The following CNTN5 variants were observed in gnomAD, a reference collection of about 807,000 sequenced individuals.
The protein encoded by CNTN5 is contactin 5.
Under a neutral mutation model 129.1 loss-of-function variants are expected in CNTN5, and 77 were observed. The observed-to-expected ratio is 0.60, with a 90% CI of 0.50 to 0.72. The LOEUF (loss-of-function observed/expected upper bound fraction) is 0.72. CNTN5 is among the 30% of genes least tolerant of loss of function. The pLI, the probability that CNTN5 is intolerant of heterozygous loss-of-function variation, is 0.00. For missense variants in CNTN5, 1,478 were observed against 1,328.8 expected, an observed-to-expected ratio of 1.11 and a Z score of -1.75; for synonymous variants, 509 against 465.6, an observed-to-expected ratio of 1.09 and a Z score of -1.20.
chr11:99,634,872 G>C (rs907889698), intron 3 of CNTN5, among the ~76,000 whole-genome samples: 2 of 152,162 alleles, frequency 1.3e-5, no homozygotes, highest in Non-Finnish European at 2.9e-5. Flanking sequence ...TCCACCCATA[G>C]CACCTGTTTG....
chr11:99,817,471 C>G (rs531742868), intron 3 of CNTN5, among the ~76,000 whole-genome samples: 1 of 152,188 alleles, frequency 6.6e-6, no homozygotes, highest in East Asian at 1.9e-4. Flanking sequence ...ATGTTCCTGG[C>G]CTTTTTAAAC....
intron 16 of CNTN5, among the ~76,000 whole-genome samples, chr11:100,228,589 T>C (rs1949428121): frequency 6.6e-6 from 1 of 152,214 alleles, no homozygotes; most frequent in Non-Finnish European, 1.5e-5. Context: ...ATCATTAAAA[T>C]TTTGGCCGTT....
intron 13 of CNTN5, among the ~76,000 whole-genome samples, chr11:100,117,542 A>T (rs964710620): frequency 6.6e-6 from 1 of 151,954 alleles, no homozygotes; most frequent in Non-Finnish European, 1.5e-5. Flanking sequence ...ACCACATAGC[A>T]TATGCTCAAC....
intron 4 of CNTN5, among the ~76,000 whole-genome samples, chr11:99,839,987 G>GT (rs1389151684): frequency 6.6e-6 from 1 of 151,812 alleles, no homozygotes; most frequent in African/African-American, 2.4e-5. Flanking sequence ...GGCCAACTGA[G>GT]TCACAGAAAA....
chr11:99,654,755 TAAAC>T (rs776998719), intron 3 of CNTN5, among the ~76,000 whole-genome samples: 163 of 152,208 alleles, frequency 1.1e-3, no homozygotes, highest in Non-Finnish European at 1.8e-3. Context: ...TTAAATCAAT[TAAAC>T]AAATCTTAGA....
At chr11:99,196,138 A>C (rs1858889402) in intron 1 of CNTN5, among the ~76,000 whole-genome samples, 1 of 151,824 alleles carries the variant, frequency 6.6e-6, no homozygotes, top group Admixed American at 6.6e-5. Flanking sequence ...CTTATTTATA[A>C]ACAGTGAGTG....
intron 13 of CNTN5, among the ~76,000 whole-genome samples, chr11:100,186,031 T>TTGTG (rs1428923972): frequency 6.8e-4 from 103 of 152,218 alleles, no homozygotes; most frequent in African/African-American, 2.4e-3. Context: ...TTAAACTAAG[T>TTGTG]TGTGTAGTAT....
intron 1 of CNTN5, among the ~76,000 whole-genome samples, chr11:99,199,392 A>G (rs915902808): frequency 6.6e-6 from 1 of 152,204 alleles, no homozygotes; most frequent in Non-Finnish European, 1.5e-5. Flanking sequence ...ATAATGATAG[A>G]AAAATTATGA....
chr11:99,075,134 C>T (rs1440786272), intron 1 of CNTN5, among the ~76,000 whole-genome samples: 2 of 152,152 alleles, frequency 1.3e-5, no homozygotes, highest in Non-Finnish European at 2.9e-5. Flanking sequence ...AACAATACAT[C>T]AATACTCTGC....
At chr11:100,083,776 C>T (rs1440054475) in intron 13 of CNTN5, among the ~76,000 whole-genome samples, 1 of 152,094 alleles carries the variant, frequency 6.6e-6, no homozygotes, top group Non-Finnish European at 1.5e-5. Context: ...ATAAACACTT[C>T]AGGAACTCTC....
At chr11:100,222,419 T>C (rs1445602069) in intron 15 of CNTN5, among the ~76,000 whole-genome samples, 1 of 152,166 alleles carries the variant, frequency 6.6e-6, no homozygotes, top group African/African-American at 2.4e-5. Flanking sequence ...ATTAAACTTA[T>C]TTTTCACTGT....
intron 1 of CNTN5, among the ~76,000 whole-genome samples, chr11:99,122,934 G>T (rs1347583451): frequency 2.0e-5 from 3 of 152,002 alleles, no homozygotes; most frequent in Non-Finnish European, 1.5e-5. Flanking sequence ...ATTTTTTAAT[G>T]CAGTCTACCG....
rs548962811 is a variant in CNTN5 at position 100,355,697 on chromosome 11, A to C, written c.3200-420A>C. Among the ~76,000 whole-genome samples, 20 of 151,824 alleles carry C rather than the reference A, an allele frequency of 1.3e-4. No individual in the cohort carries two copies. In the East Asian group the frequency reaches 3.7e-3, roughly 28 times the overall value. ...AATAATCTCAGGGGGCCACCATCAGATATGTAGTCCATGGTGGACTGAAAT... is the reference window on the plus strand; with the variant it reads ...AATAATCTCAGGGGGCCACCATCAGCTATGTAGTCCATGGTGGACTGAAAT... On this transcript the variant is annotated intron_variant, in intron 24 of 24. Coordinates refer to ENST00000524871, the MANE Select transcript of CNTN5 (RefSeq NM_014361.4).
chr11:99,169,396 T>G (rs978579910), intron 1 of CNTN5, among the ~76,000 whole-genome samples: 2 of 118,304 alleles, frequency 1.7e-5, no homozygotes, highest in African/African-American at 2.9e-5. Context: ...GTGTGTGTAT[T>G]TAGTATAGAT....
chr11:99,444,127 G>T (rs1943957122), intron 2 of CNTN5, among the ~76,000 whole-genome samples: 1 of 151,952 alleles, frequency 6.6e-6, no homozygotes, highest in South Asian at 2.1e-4. Context: ...TGAACCCAGG[G>T]GGTGGAGGTT....
chr11:99,971,229 T>C (rs959958537), intron 8 of CNTN5, among the ~76,000 whole-genome samples: 7 of 152,090 alleles, frequency 4.6e-5, no homozygotes, highest in Non-Finnish European at 1.0e-4. Flanking sequence ...TTGAGAATTT[T>C]ATTCACCCTT....
At chr11:99,167,759 C>G (rs1465808497) in intron 1 of CNTN5, among the ~76,000 whole-genome samples, 1 of 152,000 alleles carries the variant, frequency 6.6e-6, no homozygotes, top group Non-Finnish European at 1.5e-5. Flanking sequence ...ATATCAAGAT[C>G]TAATATGGCT....
intron 2 of CNTN5, among the ~76,000 whole-genome samples, chr11:99,376,843 A>T (rs1591595351): frequency 6.6e-6 from 1 of 152,184 alleles, no homozygotes; most frequent in Non-Finnish European, 1.5e-5. Context: ...AACAGTTAAA[A>T]ATCCTTTCTA....
At chr11:99,671,085 G>T (rs989869731) in intron 3 of CNTN5, among the ~76,000 whole-genome samples, 2 of 150,464 alleles carry the variant, frequency 1.3e-5, no homozygotes, top group African/African-American at 4.9e-5. Flanking sequence ...TCGCTTTCTT[G>T]TGAGTTCTCT....
Sources: gnomAD v4.1 joint callset for allele counts (sites outside exome capture counted in the v4.1 genomes callset) on GRCh38, gnomAD v4.1.1 for gene constraint, MANE v1.5 for transcripts, NCBI Gene and HGNC (gene_info 2026-07-23, HGNC 2026-07-21) for gene names.